SPATA16: variants seen among roughly 807,000 people sequenced by gnomAD.
The protein encoded by SPATA16 is spermatogenesis associated 16.
Under a neutral mutation model 63.3 loss-of-function variants are expected in SPATA16, and 36 were observed. That is an observed-to-expected ratio of 0.57 (90% CI 0.44 to 0.75). The LOEUF is 0.75. Among genes scored for constraint, SPATA16 ranks in the 30% least tolerant of loss-of-function variants. The pLI, the probability that SPATA16 is intolerant of heterozygous loss-of-function variation, is 0.00. For missense variants in SPATA16, 646 were observed against 679.3 expected (o/e 0.95, Z 0.54); for synonymous variants, 203 against 216.7 (o/e 0.94, Z 0.56).
Position 173,141,135 on chromosome 3 carries a change from G to C in SPATA16, c.-51C>G, listed in dbSNP as rs941863089. 2.6e-5 allele frequency: 4 copies of C among 152,252 alleles called. No individual in the cohort carries two copies. Among genetic ancestry groups the C allele is most frequent in the African/African-American group, 9.6e-5 (4 of 41,452 alleles). 9.4% of individuals were successfully genotyped at this position (152,252 alleles called of 1,614,324 possible). On this transcript the variant is annotated 5_prime_UTR_variant, in exon 1 of 11. Transcript: ENST00000351008. ...GTTGTGGCTCAGCCCCGCGGGGACA[G>C]GGCGAAGCTCTGGACTCCTCCCAGC... is the stretch of plus-strand genomic sequence containing the variant.
chr3:173,117,709 C>T lies in SPATA16; in HGVS notation c.23G>A (p.Ser8Asn). 1 of 1,614,118 alleles carries T rather than the reference C, an allele frequency of 6.2e-7. No individual in the cohort carries two copies. Among genetic ancestry groups the T allele is most frequent in the South Asian group, 1.1e-5 (1 of 91,080 alleles). MDAGSSR[S>N]LENAVNRIYH... is the part of the protein sequence containing the mutation. ...GATCCTATTCACTGCATTCTCCAAA[C>T]TCCTACTGCTTCCTGCATCCATCGA... is the stretch of plus-strand genomic sequence containing the variant. The change falls in exon 2 of 11, where the codon AGT becomes AAT. Residue 8 changes from serine to asparagine, a missense_variant. Coordinates refer to ENST00000351008, the MANE Select transcript of SPATA16 (RefSeq NM_031955.6).
At chr3:173,098,736 G>A (rs929615343) in intron 2 of SPATA16, among the ~76,000 whole-genome samples, 5 of 152,106 alleles carry the variant, frequency 3.3e-5, no homozygotes, top group African/African-American at 1.2e-4. Context: ...TCAGCAATGT[G>A]CACTTACCAA....
chr3:172,922,978 TA>T (rs1182524980), intron 8 of SPATA16, among the ~76,000 whole-genome samples: 1 of 151,760 alleles, frequency 6.6e-6, no homozygotes, highest in African/African-American at 2.4e-5. Flanking sequence ...AACTAAAAAC[TA>T]AAAAACAAAG....
intron 6 of SPATA16, among the ~76,000 whole-genome samples, chr3:172,952,716 T>C (rs1472367442): frequency 1.3e-5 from 2 of 151,966 alleles, no homozygotes; most frequent in South Asian, 2.1e-4. Context: ...CCAAGGTGGG[T>C]GGATCATGAG....
chr3:172,899,927 A>C (rs974388548), intron 10 of SPATA16, among the ~76,000 whole-genome samples: 3 of 152,168 alleles, frequency 2.0e-5, no homozygotes, highest in African/African-American at 7.2e-5. Context: ...ATATAAATTC[A>C]GAACTACATT....
chr3:172,978,980 G>A (rs1199194657), intron 4 of SPATA16, among the ~76,000 whole-genome samples: 2 of 152,344 alleles, frequency 1.3e-5, no homozygotes, highest in East Asian at 3.9e-4. Context: ...GCTCATGCCT[G>A]TAATCCCAGC....
At chr3:173,005,947 T>G (rs150920544) in intron 4 of SPATA16, among the ~76,000 whole-genome samples, 5 of 152,302 alleles carry the variant, frequency 3.3e-5, no homozygotes, top group Non-Finnish European at 7.4e-5. Context: ...ATGTTTAAAA[T>G]TCTGTAATTT....
chr3:173,089,345 C>A (rs539917736), intron 2 of SPATA16, among the ~76,000 whole-genome samples: 1 of 152,296 alleles, frequency 6.6e-6, no homozygotes, highest in East Asian at 1.9e-4. Context: ...CAAATGGCTT[C>A]TGCAAGTTTA....
At chr3:173,111,533 G>A (rs574955919) in intron 2 of SPATA16, among the ~76,000 whole-genome samples, 2 of 152,154 alleles carry the variant, frequency 1.3e-5, no homozygotes, top group African/African-American at 2.4e-5. Context: ...AGAGAATTTG[G>A]TGAACCCCCA....
At chr3:173,103,293 C>A (rs572197518) in intron 2 of SPATA16, among the ~76,000 whole-genome samples, 2 of 152,326 alleles carry the variant, frequency 1.3e-5, no homozygotes, top group South Asian at 4.1e-4. Flanking sequence ...TAGGCAGTGA[C>A]CCAGTAGGAA....
chr3:173,013,437 A>C (rs1382357831), intron 4 of SPATA16, among the ~76,000 whole-genome samples: 1 of 152,236 alleles, frequency 6.6e-6, no homozygotes, highest in Non-Finnish European at 1.5e-5. Flanking sequence ...TTTATTATTG[A>C]GTGCACTCAG....
At chr3:172,939,522 ATG>A (rs143035967) in intron 6 of SPATA16, among the ~76,000 whole-genome samples, 2,253 of 152,262 alleles carry the variant, frequency 0.015, 47 homozygotes, top group African/African-American at 0.05. Flanking sequence ...AATAGGTAAA[ATG>A]TGGTGAAGAA....
At chr3:173,091,130 C>G (rs1471036565) in intron 2 of SPATA16, among the ~76,000 whole-genome samples, 2 of 152,080 alleles carry the variant, frequency 1.3e-5, no homozygotes, top group African/African-American at 4.8e-5. Flanking sequence ...GGGCATATTT[C>G]TTTTTTCTTC....
intron 5 of SPATA16, 47 bp downstream of exon 5, chr3:172,976,921 A>G (rs780287173): frequency 4.0e-6 from 6 of 1,515,360 alleles, no homozygotes; most frequent in South Asian, 3.4e-5. Context: ...TTTTGGCTCT[A>G]AAAATGAGAT....
At chr3:173,139,356 A>G (rs1738636999) in intron 1 of SPATA16, among the ~76,000 whole-genome samples, 1 of 152,240 alleles carries the variant, frequency 6.6e-6, no homozygotes, top group Non-Finnish European at 1.5e-5. Flanking sequence ...TTTAAGCTAG[A>G]CTGCTATAAT....
chr3:173,026,359 G>A (rs572831000), intron 3 of SPATA16, among the ~76,000 whole-genome samples: 2 of 151,726 alleles, frequency 1.3e-5, no homozygotes, highest in East Asian at 1.9e-4. Flanking sequence ...TACATATACT[G>A]CACATATTTT....
At chr3:173,092,626 C>T (rs1560120357) in intron 2 of SPATA16, among the ~76,000 whole-genome samples, 4 of 152,028 alleles carry the variant, frequency 2.6e-5, no homozygotes. Flanking sequence ...TGGAAAAAGC[C>T]AAAACCCAGA....
intron 1 of SPATA16, among the ~76,000 whole-genome samples, chr3:173,124,532 A>G (rs530008342): frequency 6.6e-6 from 1 of 152,180 alleles, no homozygotes; most frequent in African/African-American, 2.4e-5. Flanking sequence ...TCATCTTTCC[A>G]TATCACCTCT....
intron 6 of SPATA16, among the ~76,000 whole-genome samples, chr3:172,952,242 T>G (rs1560077039): frequency 6.6e-6 from 1 of 152,194 alleles, no homozygotes; most frequent in Non-Finnish European, 1.5e-5. Context: ...CAAGAACTTG[T>G]TGTATACACT....
Sources: allele counts gnomAD v4.1 joint callset (sites outside exome capture counted in the v4.1 genomes callset), GRCh38; gene constraint gnomAD v4.1.1; transcripts MANE v1.5; gene names NCBI Gene and HGNC (gene_info 2026-07-23, HGNC 2026-07-21).